The following GASK1B variants were observed in gnomAD, a reference collection of about 807,000 sequenced individuals.
GASK1B encodes golgi associated kinase 1B, also known as Golgi-associated kinase 1B.
In GASK1B, 34 loss-of-function variants were observed where a neutral mutation model predicts 42.8. That is an observed-to-expected ratio of 0.79 (90% CI 0.60 to 1.06). The LOEUF (loss-of-function observed/expected upper bound fraction) is 1.06, where lower values mean the gene tolerates loss of function less well. GASK1B is among the 50% of genes least tolerant of loss of function. The pLI is 0.00. For missense variants in GASK1B, 686 were observed against 661.0 expected (o/e 1.04, Z -0.42); for synonymous variants, 262 against 259.1 (o/e 1.01, Z -0.11).
intron 2 of GASK1B, among the ~76,000 whole-genome samples, chr4:158,156,577 A>C (rs1318219977): frequency 2.6e-5 from 4 of 152,184 alleles, no homozygotes; most frequent in African/African-American, 9.7e-5. Context: ...TTTAATTGCT[A>C]AACTTTACAA....
intron 3 of GASK1B, among the ~76,000 whole-genome samples, chr4:158,136,861 C>T (rs769069823): frequency 6.6e-6 from 1 of 152,134 alleles, no homozygotes; most frequent in Non-Finnish European, 1.5e-5. Context: ...TTAACATTCA[C>T]CATAGTATTT....
intron 3 of GASK1B, among the ~76,000 whole-genome samples, chr4:158,144,716 C>T (rs1731265857): frequency 6.6e-6 from 1 of 152,188 alleles, no homozygotes; most frequent in Non-Finnish European, 1.5e-5. Context: ...GCATGCTACC[C>T]AATACTGACA....
chr4:158,164,348 C>G (rs2111013726), intron 2 of GASK1B, among the ~76,000 whole-genome samples: 1 of 152,284 alleles, frequency 6.6e-6, no homozygotes, highest in East Asian at 1.9e-4. Flanking sequence ...ATTAATCACC[C>G]CTTTTATCCC....
chr4:158,150,369 G>A (rs1450102094), intron 3 of GASK1B, among the ~76,000 whole-genome samples: 1 of 151,552 alleles, frequency 6.6e-6, no homozygotes, highest in Non-Finnish European at 1.5e-5. Context: ...GCCCCTTAGA[G>A]AATGGGGGGT....
At chr4:158,156,084 A>T (rs55788430) in intron 2 of GASK1B, among the ~76,000 whole-genome samples, 2,150 of 152,294 alleles carry the variant, frequency 0.014, 45 homozygotes, top group African/African-American at 0.047. Context: ...TAGATGTGGC[A>T]GGAATAGGCT....
intron 3 of GASK1B, among the ~76,000 whole-genome samples, chr4:158,153,618 A>G (rs188897477): frequency 3.9e-5 from 6 of 152,326 alleles, no homozygotes; most frequent in African/African-American, 1.2e-4. Context: ...CTATAAGGCT[A>G]TAGTCACCAA....
At chr4:158,146,362 T>A (rs1731330467) in intron 3 of GASK1B, among the ~76,000 whole-genome samples, 1 of 152,114 alleles carries the variant, frequency 6.6e-6, no homozygotes, top group African/African-American at 2.4e-5. Context: ...GAGTGGCTTA[T>A]AATTTAATAA....
chr4:158,170,510 T>C lies in GASK1B; in HGVS notation c.866A>G (p.Asn289Ser). The C allele has an allele frequency of 6.2e-7, 1 of 1,614,242 alleles. No homozygotes were observed. The highest frequency in any genetic ancestry group is 8.5e-7 in the Non-Finnish European group (1 of 1,180,038). ...AFHLDRILGL[N>S]RTLPSVSRKA... Reference sequence around the variant, plus strand: ...CCTGCTCACAGACGGCAGGGTCCTGTTGAGCCCCAGGATCCTGTCTAGGTG... The same window carrying C: ...CCTGCTCACAGACGGCAGGGTCCTGCTGAGCCCCAGGATCCTGTCTAGGTG... Residue 289 changes from asparagine (N) to serine (S), a missense_variant, in exon 2 of 5, where the codon AAC (asparagine) becomes AGC (serine). By Grantham distance (46) the Asn-to-Ser change is conservative (BLOSUM62 1). Transcript: ENST00000585682.
At chr4:158,143,857 G>A (rs1731228856) in intron 3 of GASK1B, among the ~76,000 whole-genome samples, 1 of 151,980 alleles carries the variant, frequency 6.6e-6, no homozygotes, top group South Asian at 2.1e-4. Context: ...CCTTTGTGCT[G>A]TCTCCTGAAA....
chr4:158,169,022 T>C (rs1732344337), intron 2 of GASK1B: 1 of 152,200 alleles, frequency 6.6e-6, no homozygotes, highest in South Asian at 2.1e-4. Flanking sequence ...GCTGGGTCTA[T>C]AGTCAAAACC....
chr4:158,130,905 A>C lies in GASK1B; in HGVS notation c.1233T>G (p.Ala411=). 1 of 1,614,160 alleles carries C rather than the reference A, an allele frequency of 6.2e-7. No homozygotes were observed. Among genetic ancestry groups the C allele is most frequent in the Non-Finnish European group, 8.5e-7 (1 of 1,179,990 alleles). The part of the protein sequence containing the change: ...RPKCDDQGSA[A]LAHIIQRKHD... ...GCTTTCGCTGGATAATGTGTGCTAG[A>C]GCCGCAGAACCTTGGTCATCACATT... Residue 411 remains alanine (A), a synonymous_variant, in exon 4 of 5, where the codon GCT becomes GCG. Coordinates refer to ENST00000585682, the MANE Select transcript of GASK1B (RefSeq NM_001128424.2).
At chr4:158,148,417 A>G (rs1052352482) in intron 3 of GASK1B, among the ~76,000 whole-genome samples, 10 of 152,228 alleles carry the variant, frequency 6.6e-5, no homozygotes, top group African/African-American at 2.4e-4. Flanking sequence ...AACACCTACA[A>G]GAAATTAGCC....
intron 3 of GASK1B, among the ~76,000 whole-genome samples, chr4:158,155,376 T>G (rs572008517): frequency 6.6e-6 from 1 of 152,306 alleles, no homozygotes; most frequent in South Asian, 2.1e-4. Flanking sequence ...AAGAGTCTGG[T>G]ACCTCTTTAA....
At chr4:158,165,253 G>A (rs944994195) in intron 2 of GASK1B, among the ~76,000 whole-genome samples, 1 of 152,142 alleles carries the variant, frequency 6.6e-6, no homozygotes, top group African/African-American at 2.4e-5. Context: ...AACGGTGCTT[G>A]GTTTTCTCTT....
chr4:158,138,454 T>C (rs1730989803), intron 3 of GASK1B, among the ~76,000 whole-genome samples: 1 of 152,176 alleles, frequency 6.6e-6, no homozygotes. Flanking sequence ...CTTACTGTAA[T>C]AAAATTTTTA....
At chr4:158,144,452 A>G (rs1349927461) in intron 3 of GASK1B, among the ~76,000 whole-genome samples, 1 of 152,200 alleles carries the variant, frequency 6.6e-6, no homozygotes, top group Non-Finnish European at 1.5e-5. Context: ...AAAGTCTATA[A>G]TAACCACAAT....
At chr4:158,154,728 C>A (rs1278363424) in intron 3 of GASK1B, among the ~76,000 whole-genome samples, 2 of 152,062 alleles carry the variant, frequency 1.3e-5, no homozygotes, top group Admixed American at 1.3e-4. Flanking sequence ...AAATTGGAGA[C>A]CATTATTCTA....
chr4:158,148,958 T>C (rs1287074060), intron 3 of GASK1B, among the ~76,000 whole-genome samples: 1 of 152,210 alleles, frequency 6.6e-6, no homozygotes, highest in African/African-American at 2.4e-5. Flanking sequence ...AATATCTCTC[T>C]TCCTCTATGT....
At position 158,127,215 on chromosome 4, in the gene GASK1B, T is replaced by G. The variant is rs1363782510; in HGVS notation, c.*192A>C. ...ATAAACAAATATTTCTCAAGTAGTTTGTTTTTCAAAACCTTTTTAAGTATG... is the reference window on the plus strand; with the variant it reads ...ATAAACAAATATTTCTCAAGTAGTTGGTTTTTCAAAACCTTTTTAAGTATG... On this transcript the variant is annotated 3_prime_UTR_variant, in exon 5 of 5. Transcript: ENST00000585682. The G allele has an allele frequency of 1.8e-5, 8 of 434,244 alleles. No individual in the cohort carries two copies. Among genetic ancestry groups the G allele is most frequent in the Non-Finnish European group, 4.1e-6 (1 of 245,526 alleles). 26.9% of individuals were successfully genotyped at this position (434,244 alleles called of 1,614,324 possible).
Sources: allele counts gnomAD v4.1 joint callset (sites outside exome capture counted in the v4.1 genomes callset), GRCh38; gene constraint gnomAD v4.1.1; transcripts MANE v1.5; gene names NCBI Gene and HGNC (gene_info 2026-07-23, HGNC 2026-07-21).